PRKD3: variants seen among roughly 807,000 people sequenced by gnomAD.
The protein encoded by PRKD3 is serine/threonine-protein kinase D3.
PRKD3 carries 47 observed loss-of-function variants against 99.2 expected under a neutral mutation model. That is an observed-to-expected ratio of 0.47 (90% CI 0.38 to 0.60). The LOEUF (loss-of-function observed/expected upper bound fraction) is 0.60. PRKD3 is among the 20% of genes least tolerant of loss of function. The probability of loss-of-function intolerance (pLI) is 0.00; values close to 1 mark genes in which losing one functional copy is unlikely to be tolerated. For missense variants in PRKD3, 1,019 were observed against 1,088.4 expected, an observed-to-expected ratio of 0.94 and a Z score of 0.90; for synonymous variants, 392 against 355.4, an observed-to-expected ratio of 1.10 and a Z score of -1.16.
At chr2:37,276,830 TCATATATATA>T (rs986625098) in intron 9 of PRKD3, among the ~76,000 whole-genome samples, 3 of 119,666 alleles carry the variant, frequency 2.5e-5, no homozygotes, top group African/African-American at 1.0e-4. Flanking sequence ...ACATATATAT[TCATATATATA>T]CATATATATA....
chr2:37,292,628 G>A (rs967348670), intron 3 of PRKD3, among the ~76,000 whole-genome samples: 2 of 152,016 alleles, frequency 1.3e-5, no homozygotes, highest in Non-Finnish European at 2.9e-5. Context: ...TTACAGGCGT[G>A]AGCCACCGCG....
intron 17 of PRKD3, among the ~76,000 whole-genome samples, chr2:37,256,027 A>G (rs1326685952): frequency 6.6e-6 from 1 of 152,176 alleles, no homozygotes; most frequent in Non-Finnish European, 1.5e-5. Context: ...ATAAAAAAAG[A>G]TAATAAAAAA....
At chr2:37,289,539 A>G (rs761918805) in intron 4 of PRKD3, 26 bp from the exon 5 acceptor site, 9 of 1,553,704 alleles carry the variant, frequency 5.8e-6, no homozygotes, top group African/African-American at 2.8e-5. Flanking sequence ...AAGGTAAAAT[A>G]TAAGATTTAA....
At chr2:37,313,128 A>G (rs1671510483) in intron 2 of PRKD3, among the ~76,000 whole-genome samples, 1 of 152,226 alleles carries the variant, frequency 6.6e-6, no homozygotes, top group Non-Finnish European at 1.5e-5. Context: ...ATTTTCTGCA[A>G]CAGGCCAAAC....
At chr2:37,292,672 G>A (rs1356399531) in intron 3 of PRKD3, among the ~76,000 whole-genome samples, 1 of 151,496 alleles carries the variant, frequency 6.6e-6, no homozygotes, top group Non-Finnish European at 1.5e-5. Context: ...AAAGAGACGA[G>A]TCTCGCTCTG....
chr2:37,295,562 T>G (rs1670640413), intron 2 of PRKD3, among the ~76,000 whole-genome samples: 1 of 152,194 alleles, frequency 6.6e-6, no homozygotes, highest in African/African-American at 2.4e-5. Flanking sequence ...AACCTGTTAT[T>G]ATGTTCAAAC....
Position 37,286,380 on chromosome 2 carries a change from A to G in PRKD3, c.718-11T>C, listed in dbSNP as rs1174957354. Reference sequence around the variant, plus strand: ...CTGGTGGACATGTGACTATAACATAAGTAATTTTCATAAGTGTAAGTCAAT... The same window carrying G: ...CTGGTGGACATGTGACTATAACATAGGTAATTTTCATAAGTGTAAGTCAAT... On this transcript the variant is annotated splice_polypyrimidine_tract_variant and intron_variant, in intron 5 of 18. Transcript: ENST00000234179. The G allele has an allele frequency of 1.5e-5, 24 of 1,608,810 alleles. No individual in the cohort carries two copies. Among genetic ancestry groups the G allele is most frequent in the Non-Finnish European group, 2.0e-5 (23 of 1,175,726 alleles).
At chr2:37,323,667 T>C (rs1671977245) in intron 1 of PRKD3, among the ~76,000 whole-genome samples, 2 of 151,970 alleles carry the variant, frequency 1.3e-5, no homozygotes, top group Admixed American at 6.6e-5. Context: ...CGACATTAAG[T>C]AGAAGGGTAA....
At chr2:37,323,253 TC>T (rs145288954) in intron 1 of PRKD3, among the ~76,000 whole-genome samples, 3,833 of 148,818 alleles carry the variant, frequency 0.026, 156 homozygotes, top group African/African-American at 0.09. Context: ...AAGATACACA[TC>T]AGTCAACATT....
At position 37,259,067 on chromosome 2, in the gene PRKD3, C is replaced by CA. The variant is rs1668209116; in HGVS notation, c.2145+515dup. 2.0e-5 allele frequency among the ~76,000 whole-genome samples: 3 copies of CA among 150,462 alleles called. No homozygotes were observed. In the Admixed American group the frequency reaches 2.0e-4, roughly 10 times the overall value. The stretch of plus-strand genomic sequence containing the variant: ...TGAACACTTGGAAAAAAAAAAAACT[C>CA]AACTGAATTAAGAAAAATCAGAGAG... On this transcript the variant is annotated intron_variant, in intron 16 of 18. Coordinates refer to ENST00000234179, the MANE Select transcript of PRKD3 (RefSeq NM_005813.6).
chr2:37,281,706 G>C (rs1020624318), intron 7 of PRKD3, among the ~76,000 whole-genome samples: 22 of 152,142 alleles, frequency 1.4e-4, no homozygotes, highest in Non-Finnish European at 1.5e-5. Context: ...AGCACAAACA[G>C]ACTAAGACAA....
At chr2:37,300,196 G>T (rs1291648503) in intron 2 of PRKD3, among the ~76,000 whole-genome samples, 2 of 152,212 alleles carry the variant, frequency 1.3e-5, no homozygotes, top group African/African-American at 4.8e-5. Context: ...GCCATAAAAA[G>T]AATGAAATCC....
intron 7 of PRKD3, 125 bp from the exon 8 acceptor site, chr2:37,280,054 C>CTT (rs72038621): frequency 3.3e-3 from 1,519 of 461,014 alleles, no homozygotes; most frequent in Middle Eastern, 6.6e-3. Context: ...AAGTATTTCT[C>CTT]TTTTTTTTTT....
chr2:37,252,366 C>T lies in PRKD3; in HGVS notation c.*811G>A, dbSNP rs1667567176. On this transcript the variant is annotated 3_prime_UTR_variant, in exon 19 of 19. Coordinates refer to ENST00000234179, the MANE Select transcript of PRKD3 (RefSeq NM_005813.6). ...GGCATCAAGATGGTGTCAGTCAGAA[C>T]ATGCATATTTAGCAGCAGAGTGGAG... 1 of 152,192 alleles carries T rather than the reference C, an allele frequency of 6.6e-6. No homozygotes were observed. The highest frequency in any genetic ancestry group is 1.5e-5 in the Non-Finnish European group (1 of 68,040). 9.4% of individuals were successfully genotyped at this position (152,192 alleles called of 1,614,324 possible).
intron 6 of PRKD3, among the ~76,000 whole-genome samples, chr2:37,285,320 T>G (rs1670039121): frequency 6.6e-6 from 1 of 152,198 alleles, no homozygotes; most frequent in Non-Finnish European, 1.5e-5. Context: ...TATATAACTA[T>G]AAGCAAATAA....
In PRKD3 at chr2:37,252,561, A is replaced by G. The variant is rs1667580147; in HGVS notation, c.*616T>C. On this transcript the variant is annotated 3_prime_UTR_variant, in exon 19 of 19. Coordinates refer to ENST00000234179, the MANE Select transcript of PRKD3 (RefSeq NM_005813.6). ...AGCAACTCCAAAAAGGTTAGGAATC[A>G]CTATTTTGGAGTCTTGATTGACCTA... 6.6e-6 allele frequency: 1 copy of G among 152,184 alleles called. No homozygotes were observed. The highest frequency in any genetic ancestry group is 1.5e-5 in the Non-Finnish European group (1 of 68,042). 9.4% of individuals were successfully genotyped at this position (152,184 alleles called of 1,614,324 possible).
chr2:37,258,668 A>G (rs1172276987), intron 16 of PRKD3, among the ~76,000 whole-genome samples: 1 of 152,168 alleles, frequency 6.6e-6, no homozygotes, highest in Non-Finnish European at 1.5e-5. Context: ...CTATCAGGCA[A>G]CCCTTTCGAC....
chr2:37,276,597 A>G (rs1276929005), intron 9 of PRKD3, among the ~76,000 whole-genome samples: 1 of 151,896 alleles, frequency 6.6e-6, no homozygotes, highest in Non-Finnish European at 1.5e-5. Context: ...TATTTTTTCC[A>G]GTTTCTCATT....
chr2:37,253,703 T>C (rs1178370736), intron 18 of PRKD3, among the ~76,000 whole-genome samples: 3 of 152,208 alleles, frequency 2.0e-5, no homozygotes, highest in Admixed American at 1.3e-4. Context: ...TGGATGCTTA[T>C]TAGGATAATT....
Sources: gnomAD v4.1 joint callset for allele counts (sites outside exome capture counted in the v4.1 genomes callset) on GRCh38, gnomAD v4.1.1 for gene constraint, MANE v1.5 for transcripts, NCBI Gene and HGNC (gene_info 2026-07-23, HGNC 2026-07-21) for gene names.